Variants in KIF26B observed in about 807,000 individuals in gnomAD.
KIF26B encodes the protein kinesin-like protein KIF26B.
In KIF26B, 63 loss-of-function variants were observed where a neutral mutation model predicts 151.2. The ratio of observed to expected loss-of-function variants is 0.42; its 90% CI spans 0.34 to 0.51. The LOEUF (loss-of-function observed/expected upper bound fraction) is 0.51, where lower values mean the gene tolerates loss of function less well. KIF26B is among the 20% of genes least tolerant of loss of function. KIF26B has a pLI of 0.07. For missense variants in KIF26B, 2,813 were observed against 2,913.6 expected (o/e 0.97, Z 0.79); for synonymous variants, 1,357 against 1,262.1 (o/e 1.08, Z -1.59).
At chr1:245,321,313 C>T (rs72761133) in intron 2 of KIF26B, among the ~76,000 whole-genome samples, 32,334 of 152,162 alleles carry the variant, frequency 0.21, 4,275 homozygotes, top group South Asian at 0.37. Flanking sequence ...TCAATAACAA[C>T]GAACATTCAC....
chr1:245,156,512 C>T lies in KIF26B; in HGVS notation c.294C>T (p.Gly98=). 1 of 1,530,746 alleles carries T rather than the reference C, an allele frequency of 6.5e-7. No homozygotes were observed. The highest frequency in any genetic ancestry group is 8.8e-7 in the Non-Finnish European group (1 of 1,142,778). The allele number at this position is 1,530,746 out of a possible 1,614,324, so 94.8% of individuals were successfully genotyped here. A position where few individuals can be genotyped will look rare whatever the true frequency, so the allele number is the denominator to read the frequency against. ...CCGGCATCGGCACTAGTTCGCCGGG[C>T]TCCTTGGGCGGCTCTCCGGGCTTCG... is the stretch of plus-strand genomic sequence containing the variant. ...ASPGIGTSSP[G]SLGGSPGFGT... is the part of the protein sequence containing the mutation. The change falls in exon 2 of 15, where the codon GGC becomes GGT. Residue 98 remains glycine (G), a synonymous_variant. Transcript: ENST00000407071.
At chr1:245,374,059 C>CAAA (rs1172397969) in intron 3 of KIF26B, among the ~76,000 whole-genome samples, 4 of 17,494 alleles carry the variant, frequency 2.3e-4, no homozygotes, top group Non-Finnish European at 3.1e-4. Context: ...GAACCTATCT[C>CAAA]AAAAAAAAAA....
At position 245,154,995 on chromosome 1, in the gene KIF26B, C is replaced by T. The variant is rs1274596811; in HGVS notation, c.-430C>T. On this transcript the variant is annotated 5_prime_UTR_variant, in exon 1 of 15. Transcript: ENST00000407071. ...AATTTCTTTGAACTCAGTTACCAAGCTCGGTGAAGGAGACAAGTTCCCACA... is the reference window on the plus strand; with the variant it reads ...AATTTCTTTGAACTCAGTTACCAAGTTCGGTGAAGGAGACAAGTTCCCACA... The T allele has an allele frequency of 1.2e-5, 5 of 413,236 alleles. No homozygotes were observed. Among genetic ancestry groups the T allele is most frequent in the African/African-American group, 1.0e-4 (5 of 48,832 alleles). The allele number at this position is 413,236 out of a possible 1,614,324, so 25.6% of individuals were successfully genotyped here.
At chr1:245,357,707 A>C (rs889294220) in intron 2 of KIF26B, among the ~76,000 whole-genome samples, 1 of 152,120 alleles carries the variant, frequency 6.6e-6, no homozygotes, top group Non-Finnish European at 1.5e-5. Context: ...GGCAGGAACC[A>C]AAGTGAAGGT....
intron 4 of KIF26B, among the ~76,000 whole-genome samples, chr1:245,435,449 T>C (rs960321590): frequency 6.6e-6 from 1 of 152,204 alleles, no homozygotes; most frequent in Non-Finnish European, 1.5e-5. Context: ...AGAAATGGTC[T>C]TATTGGTTCA....
In KIF26B at chr1:245,607,684, A is replaced by T; in HGVS notation, c.1591A>T (p.Ile531Phe). ...EVCAGTVAEV[I>F]QSVVNGADGC... ...GTGTGCAGGCACCGTGGCAGAGGTG[A>T]TCCAGTCTGTGGTCAACGGGGCAGA... The change falls in exon 7 of 15, where the codon ATC becomes TTC. Residue 531 changes from isoleucine (I) to phenylalanine (F), a missense_variant. Transcript: ENST00000407071. The T allele has an allele frequency of 6.2e-7, 1 of 1,612,952 alleles. No homozygotes were observed. The highest frequency in any genetic ancestry group is 8.5e-7 in the Non-Finnish European group (1 of 1,179,562).
At chr1:245,190,385 T>C (rs1201646245) in intron 2 of KIF26B, among the ~76,000 whole-genome samples, 1 of 152,140 alleles carries the variant, frequency 6.6e-6, no homozygotes, top group Non-Finnish European at 1.5e-5. Flanking sequence ...TAATCTTTCC[T>C]GTAACACTGG....
intron 3 of KIF26B, among the ~76,000 whole-genome samples, chr1:245,417,170 G>T (rs961006118): frequency 1.4e-5 from 2 of 146,788 alleles, no homozygotes; most frequent in Admixed American, 6.7e-5. Context: ...CATAATATTT[G>T]TTTTTTTTTA....
chr1:245,273,685 G>A (rs1011895205), intron 2 of KIF26B, among the ~76,000 whole-genome samples: 4 of 152,124 alleles, frequency 2.6e-5, no homozygotes, highest in African/African-American at 9.7e-5. Flanking sequence ...GGTCATCCCT[G>A]CTGTCTTTTG....
intron 2 of KIF26B, among the ~76,000 whole-genome samples, chr1:245,266,912 T>C (rs1011382683): frequency 1.3e-5 from 2 of 152,210 alleles, no homozygotes; most frequent in Non-Finnish European, 2.9e-5. Context: ...TCATGGCATA[T>C]AGTAAACCTC....
intron 4 of KIF26B, among the ~76,000 whole-genome samples, chr1:245,503,235 C>A (rs780550650): frequency 3.3e-5 from 5 of 152,100 alleles, no homozygotes; most frequent in Non-Finnish European, 7.4e-5. Context: ...TTTCATGTAT[C>A]ATTTTTCTTA....
At chr1:245,532,793 G>T (rs887686685) in intron 4 of KIF26B, among the ~76,000 whole-genome samples, 6 of 151,964 alleles carry the variant, frequency 3.9e-5, no homozygotes, top group African/African-American at 1.5e-4. Context: ...AGCCCCATAT[G>T]CTTTTCAATC....
chr1:245,630,752 T>C (rs2043772588), intron 9 of KIF26B, among the ~76,000 whole-genome samples: 1 of 152,116 alleles, frequency 6.6e-6, no homozygotes, highest in African/African-American at 2.4e-5. Context: ...AGTAAATAAA[T>C]AAATAAATAA....
At chr1:245,700,839 C>A (rs1334310801) in intron 14 of KIF26B, among the ~76,000 whole-genome samples, 1 of 152,192 alleles carries the variant, frequency 6.6e-6, no homozygotes, top group Non-Finnish European at 1.5e-5. Context: ...GCGCACGGGG[C>A]GCTGTGCTTA....
intron 2 of KIF26B, among the ~76,000 whole-genome samples, chr1:245,289,306 C>T (rs893142466): frequency 6.6e-6 from 1 of 152,148 alleles, no homozygotes; most frequent in African/African-American, 2.4e-5. Context: ...AAGAAATTAC[C>T]GGCATGCTAT....
Position 245,586,805 on chromosome 1 carries a change from G to A in KIF26B, c.1351-15772G>A, listed in dbSNP as rs1463882373. 2.0e-5 allele frequency among the ~76,000 whole-genome samples: 3 copies of A among 150,720 alleles called. No homozygotes were observed. The South Asian group carries it at 6.3e-4, about 32-fold the overall frequency. ...GGAGGCTGAGGCAGGAGAATGGCGT[G>A]AACCCGGGAAGCGGAGCTTGCAGTG... On this transcript the variant is annotated intron_variant, in intron 5 of 14. Transcript: ENST00000407071.
At chr1:245,473,344 C>A in intron 4 of KIF26B, among the ~76,000 whole-genome samples, 1 of 152,150 alleles carries the variant, frequency 6.6e-6, no homozygotes, top group East Asian at 1.9e-4. Context: ...TACCTGAAAG[C>A]TTTAAATGTT....
At chr1:245,388,572 G>GGTCCCTCGTTCCTTCTAC (rs1673608834) in intron 3 of KIF26B, among the ~76,000 whole-genome samples, 1 of 152,148 alleles carries the variant, frequency 6.6e-6, no homozygotes, top group African/African-American at 2.4e-5. Flanking sequence ...TGACTGAGTA[G>GGTCCCTCGTTCCTTCTAC]GTCCCTCGTT....
rs1173659 is a variant in KIF26B, at chr1:245,464,930, G to C, written c.1166+45185G>C. 9.3e-3 allele frequency among the ~76,000 whole-genome samples: 1,413 copies of C among 152,138 alleles called. 26 individuals are homozygous for C. The highest frequency in any genetic ancestry group is 0.032 in the African/African-American group (1,347 of 41,486). On this transcript the variant is annotated intron_variant, in intron 4 of 14. Transcript: ENST00000407071. The stretch of plus-strand genomic sequence containing the variant: ...AATGCACAGGAGCCACGTGGACACT[G>C]CTGCAGGCTGCCCGGGCACCCAGCC...
Sources: allele counts gnomAD v4.1 joint callset (sites outside exome capture counted in the v4.1 genomes callset), GRCh38; gene constraint gnomAD v4.1.1; transcripts MANE v1.5; gene names NCBI Gene and HGNC (gene_info 2026-07-23, HGNC 2026-07-21).